The following BMP3 variants were observed in gnomAD, a reference collection of about 807,000 sequenced individuals.
The protein encoded by BMP3 is bone morphogenetic protein 3 (osteogenic).
In BMP3, 23 loss-of-function variants were observed where a neutral mutation model predicts 38.1. The ratio of observed to expected loss-of-function variants is 0.60; its 90% CI spans 0.43 to 0.86. The LOEUF is 0.86. Ranked by LOEUF, BMP3 falls within the 40% of genes least tolerant of loss-of-function variation. BMP3 has a pLI of 0.00. For synonymous variants in BMP3, 258 were observed against 225.7 expected, an observed-to-expected ratio of 1.14 and a Z score of -1.28; for missense variants, 628 against 579.6, an observed-to-expected ratio of 1.08 and a Z score of -0.86.
intron 1 of BMP3, among the ~76,000 whole-genome samples, chr4:81,043,855 C>T (rs992116518): frequency 2.0e-5 from 3 of 152,128 alleles, no homozygotes. Flanking sequence ...TCCCAAAGTG[C>T]TGGCATAACA....
intron 2 of BMP3, 144 bp from the exon 3 acceptor site, chr4:81,053,201 T>C (rs1348793974): frequency 2.0e-6 from 1 of 499,552 alleles, no homozygotes; most frequent in East Asian, 3.4e-5. Flanking sequence ...GGATAGGCGA[T>C]TGGGCTTAAT....
At chr4:81,036,987 A>G (rs561459555) in intron 1 of BMP3, among the ~76,000 whole-genome samples, 164 of 152,152 alleles carry the variant, frequency 1.1e-3, no homozygotes, top group Middle Eastern at 0.01. Flanking sequence ...TCAATGATCT[A>G]TATTTCTTTA....
At position 81,031,165 on chromosome 4, in the gene BMP3, C is replaced by T; in HGVS notation, c.-120C>T. ...GCTGCACCCGGCCGCGTCCCGGGCT[C>T]CGTGCGCCCTCGCCCCAGCTGGTTT... On this transcript the variant is annotated 5_prime_UTR_variant, in exon 1 of 3. Coordinates refer to ENST00000282701, the MANE Select transcript of BMP3 (RefSeq NM_001201.5). 9.0e-7 allele frequency: 1 copy of T among 1,115,696 alleles called. No homozygotes were observed. Among genetic ancestry groups the T allele is most frequent in the Middle Eastern group, 3.0e-4 (1 of 3,288 alleles). 69.1% of individuals were successfully genotyped at this position (1,115,696 alleles called of 1,614,324 possible).
At chr4:81,037,820 T>C (rs1282550355) in intron 1 of BMP3, among the ~76,000 whole-genome samples, 1 of 152,082 alleles carries the variant, frequency 6.6e-6, no homozygotes. Context: ...AGGGTTATGC[T>C]TTTTTAGAGA....
Position 81,031,320 on chromosome 4 carries a change from G to A in BMP3, c.36G>A (p.Leu12=), listed in dbSNP as rs759885440. 1.2e-5 allele frequency: 19 copies of A among 1,610,144 alleles called. No individual in the cohort carries two copies. Among genetic ancestry groups the A allele is most frequent in the Non-Finnish European group, 1.6e-5 (19 of 1,178,634 alleles). Residue 12 remains leucine (L), a synonymous_variant, in exon 1 of 3, where the codon CTG becomes CTA. Transcript: ENST00000282701. The part of the protein sequence containing the change: ...AGASRLLFLW[L]GCFCVSLAQG... ...CGAGCAGGCTGCTCTTTCTGTGGCT[G>A]GGCTGCTTCTGCGTGAGCCTGGCGC...
intron 1 of BMP3, among the ~76,000 whole-genome samples, chr4:81,041,485 G>C (rs1388593558): frequency 2.0e-5 from 3 of 152,142 alleles, no homozygotes; most frequent in African/African-American, 4.8e-5. Context: ...CCAGGAGGGA[G>C]AGGACCTAGA....
At chr4:81,049,406 GAGCAT>G (rs1332041699) in intron 2 of BMP3, among the ~76,000 whole-genome samples, 1 of 152,168 alleles carries the variant, frequency 6.6e-6, no homozygotes, top group Admixed American at 6.6e-5. Flanking sequence ...AGAATCAGGA[GAGCAT>G]CAGTTGCAGC....
chr4:81,036,506 T>G (rs562664543), intron 1 of BMP3, among the ~76,000 whole-genome samples: 1 of 152,036 alleles, frequency 6.6e-6, no homozygotes, highest in Admixed American at 6.5e-5. Context: ...TTGTATATAC[T>G]AATAATCAGT....
At chr4:81,034,861 ATAAC>A (rs1739877790) in intron 1 of BMP3, among the ~76,000 whole-genome samples, 1 of 152,190 alleles carries the variant, frequency 6.6e-6, no homozygotes, top group Non-Finnish European at 1.5e-5. Flanking sequence ...AAGATAGTAT[ATAAC>A]TAAGTGTTGA....
At chr4:81,043,442 T>C (rs911818522) in intron 1 of BMP3, among the ~76,000 whole-genome samples, 1 of 152,234 alleles carries the variant, frequency 6.6e-6, no homozygotes, top group Non-Finnish European at 1.5e-5. Flanking sequence ...ATTTATGGAA[T>C]GTCATAAACT....
Position 81,045,909 on chromosome 4 carries a change from T to C in BMP3, c.488T>C (p.Ile163Thr), listed in dbSNP as rs1455534449. ...SHHAQRKHIQ[I>T]DLSAWTLKFS... ...CATGCTCAGAGGAAACACATTCAGA[T>C]TGATCTTTCTGCATGGACCCTCAAA... Residue 163 changes from isoleucine to threonine, a missense_variant, in exon 2 of 3, where the codon ATT (isoleucine) becomes ACT (threonine). Physicochemically the swap from Ile to Thr is moderately conservative, Grantham distance 89. Transcript: ENST00000282701. 1 of 1,614,124 alleles carries C rather than the reference T, an allele frequency of 6.2e-7. No homozygotes were observed. The highest frequency in any genetic ancestry group is 8.5e-7 in the Non-Finnish European group (1 of 1,180,002).
intron 1 of BMP3, among the ~76,000 whole-genome samples, chr4:81,033,997 G>T (rs1233348612): frequency 6.6e-6 from 1 of 152,178 alleles, no homozygotes; most frequent in African/African-American, 2.4e-5. Context: ...GCTTATTCAG[G>T]CTGAGTTATA....
At position 81,031,295 on chromosome 4, in the gene BMP3, C is replaced by G; in HGVS notation, c.11C>G (p.Ala4Gly). 6.2e-7 allele frequency: 1 copy of G among 1,602,886 alleles called. No individual in the cohort carries two copies. The highest frequency in any genetic ancestry group is 8.5e-7 in the Non-Finnish European group (1 of 1,174,638). Residue 4 changes from alanine to glycine, a missense_variant, in exon 1 of 3, where the codon GCG (alanine) becomes GGG (glycine). Coordinates refer to ENST00000282701, the MANE Select transcript of BMP3 (RefSeq NM_001201.5). ...CGCGGGTACCTAGCCATGGCTGGGG[C>G]GAGCAGGCTGCTCTTTCTGTGGCTG... MAG[A>G]SRLLFLWLGC...
intron 1 of BMP3, among the ~76,000 whole-genome samples, chr4:81,034,592 T>C (rs1177485004): frequency 6.6e-6 from 1 of 152,128 alleles, no homozygotes; most frequent in Admixed American, 6.5e-5. Context: ...AGCACACATG[T>C]TGTTAGGAAA....
intron 1 of BMP3, among the ~76,000 whole-genome samples, chr4:81,043,829 T>C (rs905494891): frequency 3.9e-5 from 6 of 152,126 alleles, no homozygotes; most frequent in African/African-American, 1.2e-4. Flanking sequence ...CCTCAAATGA[T>C]CCACCTGCCT....
At chr4:81,052,198 G>A (rs988065195) in intron 2 of BMP3, among the ~76,000 whole-genome samples, 15 of 152,062 alleles carry the variant, frequency 9.9e-5, no homozygotes, top group African/African-American at 3.1e-4. Flanking sequence ...ATTAAAAAGC[G>A]AAAGTTTTGG....
At position 81,053,540 on chromosome 4, in the gene BMP3, G is replaced by C; in HGVS notation, c.*4G>C. The stretch of plus-strand genomic sequence containing the variant: ...AGAGTCTTGCGCTTGCAGATAACCT[G>C]GCAAAGAACTCATTTGAATGCTTAA... On this transcript the variant is annotated 3_prime_UTR_variant, in exon 3 of 3. Transcript: ENST00000282701. 1 of 1,447,176 alleles carries C rather than the reference G, an allele frequency of 6.9e-7. No homozygotes were observed. Among genetic ancestry groups the C allele is most frequent in the Non-Finnish European group, 9.1e-7 (1 of 1,094,760 alleles). The allele number at this position is 1,447,176 out of a possible 1,614,324, so 89.6% of individuals were successfully genotyped here.
chr4:81,054,648 C>T lies in BMP3; in HGVS notation c.*1112C>T, dbSNP rs1003530031. ...TAGATCAGGGCTTTTGGCTCAGTCA[C>T]GAAATCTACAAGTTAGCAAAGCTTA... On this transcript the variant is annotated 3_prime_UTR_variant, in exon 3 of 3. Transcript: ENST00000282701. 1 of 152,150 alleles carries T rather than the reference C, an allele frequency of 6.6e-6. No homozygotes were observed. The highest frequency in any genetic ancestry group is 1.5e-5 in the Non-Finnish European group (1 of 68,026). The allele number at this position is 152,150 out of a possible 1,614,324, so 9.4% of individuals were successfully genotyped here.
chr4:81,032,206 A>AAC (rs1560509317), intron 1 of BMP3, among the ~76,000 whole-genome samples: 2 of 149,866 alleles, frequency 1.3e-5, no homozygotes, highest in South Asian at 2.2e-4. Flanking sequence ...AAAAAAAAAA[A>AAC]AAAAAAAAAA....
Sources: gnomAD v4.1 joint callset for allele counts (sites outside exome capture counted in the v4.1 genomes callset) on GRCh38, gnomAD v4.1.1 for gene constraint, MANE v1.5 for transcripts, NCBI Gene and HGNC (gene_info 2026-07-23, HGNC 2026-07-21) for gene names.